The following ASIC2 variants were observed in gnomAD, a reference collection of about 807,000 sequenced individuals.
The protein encoded by ASIC2 is acid sensing ion channel subunit 2.
ASIC2 carries 25 observed loss-of-function variants against 57.3 expected under a neutral mutation model. The ratio of observed to expected loss-of-function variants is 0.44; its 90% CI spans 0.32 to 0.61. The LOEUF (loss-of-function observed/expected upper bound fraction) is 0.61, where lower values mean the gene tolerates loss of function less well. ASIC2 is among the 20% of genes least tolerant of loss of function. The pLI is 0.06. For missense variants in ASIC2, 641 were observed against 738.1 expected (o/e 0.87, Z 1.52); for synonymous variants, 319 against 307.5 (o/e 1.04, Z -0.39).
intron 1 of ASIC2, among the ~76,000 whole-genome samples, chr17:33,543,417 G>C (rs985901653): frequency 6.6e-6 from 1 of 152,128 alleles, no homozygotes; most frequent in African/African-American, 2.4e-5. Flanking sequence ...CCTTTCATGT[G>C]AGAGGTAGTG....
intron 1 of ASIC2, among the ~76,000 whole-genome samples, chr17:34,058,362 C>CCA (rs1434084258): frequency 1.3e-5 from 2 of 152,178 alleles, no homozygotes; most frequent in Non-Finnish European, 2.9e-5. Flanking sequence ...TAGATTATAA[C>CCA]CACCTTATAG....
chr17:33,172,853 C>T (rs995581468), intron 1 of ASIC2, among the ~76,000 whole-genome samples: 3 of 152,172 alleles, frequency 2.0e-5, no homozygotes, highest in African/African-American at 4.8e-5. Flanking sequence ...AACAAGCCTT[C>T]CAGCTGTCAC....
chr17:33,152,830 A>G (rs1345571336), intron 1 of ASIC2, among the ~76,000 whole-genome samples: 1 of 152,222 alleles, frequency 6.6e-6, no homozygotes, highest in Non-Finnish European at 1.5e-5. Flanking sequence ...AAAGGCATAC[A>G]AGGTATTTAT....
chr17:34,109,471 T>C (rs1911190276), intron 1 of ASIC2, among the ~76,000 whole-genome samples: 1 of 152,212 alleles, frequency 6.6e-6, no homozygotes, highest in African/African-American at 2.4e-5. Flanking sequence ...TCCTAGATCT[T>C]AGAATATGAG....
At chr17:33,939,538 C>T (rs898678043) in intron 1 of ASIC2, among the ~76,000 whole-genome samples, 4 of 152,214 alleles carry the variant, frequency 2.6e-5, no homozygotes, top group Non-Finnish European at 5.9e-5. Context: ...AAAAAGCAAA[C>T]AGAGCGTGAA....
At chr17:34,117,374 A>G (rs2142115998) in intron 1 of ASIC2, among the ~76,000 whole-genome samples, 1 of 152,330 alleles carries the variant, frequency 6.6e-6, no homozygotes, top group East Asian at 1.9e-4. Context: ...GAAACGGCAT[A>G]TGGTTGGGGT....
chr17:33,347,095 G>T (rs966009595), intron 1 of ASIC2, among the ~76,000 whole-genome samples: 5 of 152,174 alleles, frequency 3.3e-5, no homozygotes, highest in African/African-American at 1.2e-4. Flanking sequence ...GGAATGGACG[G>T]TGAGTGGGAG....
intron 1 of ASIC2, among the ~76,000 whole-genome samples, chr17:33,730,275 G>A (rs770777376): frequency 2.0e-5 from 3 of 152,082 alleles, no homozygotes; most frequent in Non-Finnish European, 4.4e-5. Context: ...CTTTGATTCT[G>A]AGCACAGGGA....
rs111448296 is a variant in ASIC2 at position 33,180,329 on chromosome 17, G to A, written c.709-68262C>T. On this transcript the variant is annotated intron_variant, in intron 1 of 9. Coordinates refer to ENST00000225823, the MANE Select transcript of ASIC2 (RefSeq NM_183377.2). ...GAACTATCCCAGGCCTCACAATGAG[G>A]GGAAGGAGCATGGTCTGAATTAGGG... Among the ~76,000 whole-genome samples, 1,375 of 152,280 alleles carry A rather than the reference G, an allele frequency of 9.0e-3. 9 individuals carry two copies. The highest frequency in any genetic ancestry group is 0.014 in the African/African-American group (572 of 41,562).
chr17:33,949,901 GA>G (rs988671553), intron 1 of ASIC2, among the ~76,000 whole-genome samples: 8 of 152,198 alleles, frequency 5.3e-5, no homozygotes, highest in African/African-American at 1.9e-4. Flanking sequence ...AATGAGAAAT[GA>G]AAACTCAGAG....
chr17:33,022,352 G>T (rs536497239), intron 6 of ASIC2, among the ~76,000 whole-genome samples: 86 of 152,296 alleles, frequency 5.6e-4, no homozygotes, highest in African/African-American at 2.0e-3. Context: ...TTGGCCACAT[G>T]TGGCTAGCAG....
At chr17:33,865,759 T>TAAAAAAAAAAAAAAAAAAAAAAAAAA (rs61218521) in intron 1 of ASIC2, among the ~76,000 whole-genome samples, 1 of 122,102 alleles carries the variant, frequency 8.2e-6, no homozygotes, top group Non-Finnish European at 1.7e-5. Flanking sequence ...AAAAAAAAAA[T>TAAAAAAAAAAAAAAAAAAAAAAAAAA]AAAAAAAAAA....
At chr17:33,090,086 C>T (rs1265590388) in intron 2 of ASIC2, among the ~76,000 whole-genome samples, 3 of 152,166 alleles carry the variant, frequency 2.0e-5, no homozygotes, top group Admixed American at 6.5e-5. Flanking sequence ...TCTGAGTAGC[C>T]TCTGCCTCGA....
chr17:33,244,788 C>T (rs113592067), intron 1 of ASIC2, among the ~76,000 whole-genome samples: 3 of 152,190 alleles, frequency 2.0e-5, no homozygotes, highest in Non-Finnish European at 4.4e-5. Context: ...CTTTTTCACT[C>T]GTTCAGCATC....
intron 1 of ASIC2, among the ~76,000 whole-genome samples, chr17:34,082,657 C>T (rs1909933348): frequency 6.6e-6 from 1 of 152,238 alleles, no homozygotes; most frequent in Non-Finnish European, 1.5e-5. Flanking sequence ...ACAACAGTTT[C>T]CACTTACTGA....
intron 1 of ASIC2, among the ~76,000 whole-genome samples, chr17:34,114,312 G>A (rs1911365974): frequency 6.6e-6 from 1 of 152,172 alleles, no homozygotes; most frequent in South Asian, 2.1e-4. Flanking sequence ...GCAAAGGGAG[G>A]CACAGCTGGC....
At chr17:34,083,873 G>GT (rs1173170428) in intron 1 of ASIC2, among the ~76,000 whole-genome samples, 3 of 152,046 alleles carry the variant, frequency 2.0e-5, no homozygotes, top group African/African-American at 7.2e-5. Context: ...GGGGTTGTTT[G>GT]TTTTTTTCTT....
chr17:33,701,610 T>A (rs975882783), intron 1 of ASIC2, among the ~76,000 whole-genome samples: 5 of 152,100 alleles, frequency 3.3e-5, no homozygotes, highest in African/African-American at 1.2e-4. Context: ...CAAGGTAGGG[T>A]TTGAGCACCT....
At chr17:34,102,087 A>T (rs1276440612) in intron 1 of ASIC2, among the ~76,000 whole-genome samples, 1 of 152,218 alleles carries the variant, frequency 6.6e-6, no homozygotes. Flanking sequence ...AGGCAGGTGG[A>T]TCACTGAGGT....
Sources: gnomAD v4.1 joint callset for allele counts (sites outside exome capture counted in the v4.1 genomes callset) on GRCh38, gnomAD v4.1.1 for gene constraint, MANE v1.5 for transcripts, NCBI Gene and HGNC (gene_info 2026-07-23, HGNC 2026-07-21) for gene names.